The following NRXN3 variants were observed in gnomAD, a reference collection of about 807,000 sequenced individuals.
The protein encoded by NRXN3 is neurexin 3.
In NRXN3, 32 loss-of-function variants were observed where a neutral mutation model predicts 137.6. The observed-to-expected ratio is 0.23, with a 90% CI of 0.18 to 0.31. The LOEUF is 0.31. Among genes scored for constraint, NRXN3 ranks in the 10% least tolerant of loss-of-function variants. The pLI, the probability that NRXN3 is intolerant of heterozygous loss-of-function variation, is 1.00. For missense variants in NRXN3, 1,574 were observed against 2,062.5 expected (o/e 0.76, Z 4.59); for synonymous variants, 798 against 784.5 (o/e 1.02, Z -0.29).
At chr14:79,083,447 T>G (rs2047450163) in intron 15 of NRXN3, among the ~76,000 whole-genome samples, 1 of 152,096 alleles carries the variant, frequency 6.6e-6, no homozygotes, top group African/African-American at 2.4e-5. Flanking sequence ...GAAGGAAACT[T>G]ATATTGAGCG....
At chr14:78,222,347 C>T (rs1025365916) in intron 1 of NRXN3, among the ~76,000 whole-genome samples, 1 of 152,156 alleles carries the variant, frequency 6.6e-6, no homozygotes, top group African/African-American at 2.4e-5. Flanking sequence ...CACACACACA[C>T]ACACACACAG....
At chr14:79,276,699 C>A (rs1302688799) in intron 15 of NRXN3, among the ~76,000 whole-genome samples, 1 of 143,826 alleles carries the variant, frequency 7.0e-6, no homozygotes, top group Non-Finnish European at 1.5e-5. Flanking sequence ...CTCCAATGCT[C>A]AATGCCAATT....
chr14:78,568,106 G>T (rs2096853502), intron 4 of NRXN3, among the ~76,000 whole-genome samples: 1 of 152,180 alleles, frequency 6.6e-6, no homozygotes, highest in East Asian at 1.9e-4. Context: ...TGCTGGTAGG[G>T]GAGCTCAGTT....
chr14:79,372,106 T>G (rs886534435), intron 15 of NRXN3, among the ~76,000 whole-genome samples: 1 of 147,934 alleles, frequency 6.8e-6, no homozygotes, highest in African/African-American at 2.5e-5. Flanking sequence ...CAAACCTACA[T>G]GTCTACATAC....
At chr14:78,190,998 G>A (rs1013752293) in intron 1 of NRXN3, among the ~76,000 whole-genome samples, 2 of 152,118 alleles carry the variant, frequency 1.3e-5, no homozygotes, top group African/African-American at 4.8e-5. Context: ...ATATATGAAA[G>A]GAAATCGATT....
At chr14:78,423,274 G>A (rs1160691746) in intron 4 of NRXN3, among the ~76,000 whole-genome samples, 2 of 152,116 alleles carry the variant, frequency 1.3e-5, no homozygotes, top group Non-Finnish European at 2.9e-5. Flanking sequence ...GAATATGTGG[G>A]CTACAGATAC....
At chr14:79,441,938 C>A (rs138424109) in intron 15 of NRXN3, among the ~76,000 whole-genome samples, 2 of 151,634 alleles carry the variant, frequency 1.3e-5, no homozygotes, top group Non-Finnish European at 2.9e-5. Flanking sequence ...TGCTATTAAT[C>A]TATTTGTGAT....
chr14:78,219,616 A>C (rs947616666), intron 1 of NRXN3, among the ~76,000 whole-genome samples: 10 of 152,198 alleles, frequency 6.6e-5, no homozygotes, highest in Admixed American at 5.9e-4. Flanking sequence ...ATAATACATC[A>C]GTGGATTTAT....
intron 4 of NRXN3, among the ~76,000 whole-genome samples, chr14:78,545,350 G>A (rs2096627645): frequency 6.6e-6 from 1 of 152,110 alleles, no homozygotes; most frequent in Admixed American, 6.5e-5. Context: ...ACATAAATGT[G>A]TACATATGAT....
At chr14:78,793,009 A>T (rs960061564) in intron 8 of NRXN3, among the ~76,000 whole-genome samples, 2 of 152,212 alleles carry the variant, frequency 1.3e-5, no homozygotes, top group Non-Finnish European at 2.9e-5. Flanking sequence ...AAAGAGTGTA[A>T]TTGGATTGTT....
intron 15 of NRXN3, among the ~76,000 whole-genome samples, chr14:79,247,568 T>C (rs2075359022): frequency 1.3e-5 from 2 of 152,146 alleles, no homozygotes; most frequent in Admixed American, 1.3e-4. Flanking sequence ...TTTATCACCT[T>C]ATTTTTCTAC....
chr14:78,997,710 T>G (rs1197154039), intron 15 of NRXN3, among the ~76,000 whole-genome samples: 1 of 152,230 alleles, frequency 6.6e-6, no homozygotes, highest in African/African-American at 2.4e-5. Flanking sequence ...CTTACATGCA[T>G]TATCACAAAT....
chr14:79,527,293 C>CAAA (rs397954192), intron 16 of NRXN3, among the ~76,000 whole-genome samples: 119 of 58,202 alleles, frequency 2.0e-3, no homozygotes, highest in South Asian at 3.7e-3. Context: ...GACTCTGTCT[C>CAAA]AAAAAAAAAA....
At chr14:78,734,962 CA>C (rs1371680810) in intron 8 of NRXN3, among the ~76,000 whole-genome samples, 1 of 152,116 alleles carries the variant, frequency 6.6e-6, no homozygotes, top group African/African-American at 2.4e-5. Context: ...AGGAGAATAA[CA>C]TGACCAGATT....
At chr14:79,328,149 AAAAG>A (rs1489608491) in intron 15 of NRXN3, among the ~76,000 whole-genome samples, 2 of 152,218 alleles carry the variant, frequency 1.3e-5, no homozygotes, top group Admixed American at 1.3e-4. Context: ...AGGAAAAAGA[AAAAG>A]AAATTATTAT....
intron 8 of NRXN3, among the ~76,000 whole-genome samples, chr14:78,739,820 C>T (rs1274458157): frequency 6.6e-6 from 1 of 152,122 alleles, no homozygotes; most frequent in Non-Finnish European, 1.5e-5. Context: ...AATTACCAGG[C>T]CTGGTGTGGA....
chr14:78,649,156 A>C, intron 5 of NRXN3: 20 of 617,714 alleles, frequency 3.2e-5, no homozygotes, highest in Non-Finnish European at 4.7e-5. Flanking sequence ...TCATTTTACT[A>C]ACCGACTAAT....
At chr14:79,812,848 C>T (rs1369065120) in intron 20 of NRXN3, among the ~76,000 whole-genome samples, 1 of 152,042 alleles carries the variant, frequency 6.6e-6, no homozygotes, top group Admixed American at 6.5e-5. Context: ...GCAAGTGGTA[C>T]ATAAGGAGTG....
intron 4 of NRXN3, among the ~76,000 whole-genome samples, chr14:78,312,482 A>C (rs2078085647): frequency 6.6e-6 from 1 of 152,216 alleles, no homozygotes; most frequent in African/African-American, 2.4e-5. Flanking sequence ...GATATTCACC[A>C]GGGACTGATT....
Sources: allele counts gnomAD v4.1 joint callset (sites outside exome capture counted in the v4.1 genomes callset), GRCh38; gene constraint gnomAD v4.1.1; transcripts MANE v1.5; gene names NCBI Gene and HGNC (gene_info 2026-07-23, HGNC 2026-07-21).